NTNG1: variants seen among roughly 807,000 people sequenced by gnomAD.
NTNG1 encodes netrin G1, also known as netrin-G1.
A neutral mutation model predicts 54.0 loss-of-function variants in NTNG1; 16 were observed. That is an observed-to-expected ratio of 0.30 (90% confidence interval 0.20 to 0.45). The LOEUF is 0.45. NTNG1 is among the 20% of genes least tolerant of loss of function. NTNG1 has a pLI of 1.00. For synonymous variants in NTNG1, 255 were observed against 263.1 expected, an observed-to-expected ratio of 0.97 and a Z score of 0.30; for missense variants, 530 against 678.7, an observed-to-expected ratio of 0.78 and a Z score of 2.43.
At chr1:107,310,206 A>C (rs772863346) in intron 2 of NTNG1, among the ~76,000 whole-genome samples, 30 of 152,144 alleles carry the variant, frequency 2.0e-4, no homozygotes, top group Non-Finnish European at 3.1e-4. Flanking sequence ...TCTGACTTTC[A>C]TCTCTCTAAC....
At chr1:107,143,800 A>C (rs962723501) in intron 1 of NTNG1, among the ~76,000 whole-genome samples, 14 of 152,084 alleles carry the variant, frequency 9.2e-5, no homozygotes, top group African/African-American at 3.4e-4. Flanking sequence ...ATTAAATTCC[A>C]GATTTCTTCT....
At chr1:107,351,398 G>A (rs1473214356) in intron 3 of NTNG1, among the ~76,000 whole-genome samples, 1 of 152,144 alleles carries the variant, frequency 6.6e-6, no homozygotes, top group African/African-American at 2.4e-5. Context: ...CTGCTTCTGG[G>A]GAGGCCTCAG....
chr1:107,375,930 T>C (rs1430849343), intron 3 of NTNG1, among the ~76,000 whole-genome samples: 1 of 152,192 alleles, frequency 6.6e-6, no homozygotes, highest in Non-Finnish European at 1.5e-5. Flanking sequence ...TTCCTCATTT[T>C]GGAGAAAGAC....
intron 2 of NTNG1, among the ~76,000 whole-genome samples, chr1:107,249,031 C>T (rs886197183): frequency 4.7e-5 from 7 of 150,286 alleles, no homozygotes; most frequent in East Asian, 2.0e-4. Context: ...ATGGTGCAGG[C>T]GCCTGTAATC....
intron 2 of NTNG1, among the ~76,000 whole-genome samples, chr1:107,154,746 C>A (rs1018091552): frequency 4.7e-5 from 7 of 149,480 alleles, no homozygotes; most frequent in Admixed American, 1.3e-4. Flanking sequence ...TAATAAAGAA[C>A]CTGATATATA....
At chr1:107,166,033 G>T (rs1419943525) in intron 2 of NTNG1, among the ~76,000 whole-genome samples, 1 of 152,166 alleles carries the variant, frequency 6.6e-6, no homozygotes, top group African/African-American at 2.4e-5. Context: ...CCTTCAAGAA[G>T]CTTTATAAAG....
chr1:107,466,274 A>G (rs530766769), intron 7 of NTNG1, among the ~76,000 whole-genome samples: 2 of 152,362 alleles, frequency 1.3e-5, no homozygotes, highest in Non-Finnish European at 2.9e-5. Context: ...GGGATATAAA[A>G]TAGACACAGT....
At chr1:107,308,653 A>G (rs1185490560) in intron 2 of NTNG1, among the ~76,000 whole-genome samples, 1 of 152,136 alleles carries the variant, frequency 6.6e-6, no homozygotes, top group Admixed American at 6.6e-5. Context: ...TTTGGTTCCA[A>G]ATGAATTTTA....
At chr1:107,275,457 C>T (rs1390907360) in intron 2 of NTNG1, among the ~76,000 whole-genome samples, 1 of 152,096 alleles carries the variant, frequency 6.6e-6, no homozygotes, top group African/African-American at 2.4e-5. Flanking sequence ...CAGAGGCTGA[C>T]AAGTCCCAAG....
At chr1:107,452,126 G>T (rs534489796) in intron 7 of NTNG1, among the ~76,000 whole-genome samples, 1 of 152,238 alleles carries the variant, frequency 6.6e-6, no homozygotes, top group East Asian at 1.9e-4. Flanking sequence ...TAAATGAAAT[G>T]CTTGTAAACT....
At chr1:107,317,794 G>A (rs1370189819) in intron 2 of NTNG1, among the ~76,000 whole-genome samples, 1 of 152,182 alleles carries the variant, frequency 6.6e-6, no homozygotes, top group Admixed American at 6.6e-5. Context: ...ATTGAAACAA[G>A]CTGCAACTTC....
intron 3 of NTNG1, among the ~76,000 whole-genome samples, chr1:107,340,256 G>C (rs1461079474): frequency 6.6e-6 from 1 of 151,930 alleles, no homozygotes; most frequent in Non-Finnish European, 1.5e-5. Flanking sequence ...CTTTCCCTAA[G>C]ATAGGCATAT....
intron 7 of NTNG1, among the ~76,000 whole-genome samples, chr1:107,451,108 C>CTTTCT (rs1570988460): frequency 7.2e-6 from 1 of 138,392 alleles, no homozygotes; most frequent in Non-Finnish European, 1.5e-5. Flanking sequence ...TTCTTTCTTT[C>CTTTCT]TTTTTTTTTT....
At chr1:107,229,000 C>T (rs1369292955) in intron 2 of NTNG1, among the ~76,000 whole-genome samples, 1 of 152,076 alleles carries the variant, frequency 6.6e-6, no homozygotes, top group Non-Finnish European at 1.5e-5. Context: ...CAGCAGGAAA[C>T]TGATAAAGAT....
intron 7 of NTNG1, among the ~76,000 whole-genome samples, chr1:107,461,768 G>A (rs973025269): frequency 5.9e-5 from 9 of 152,000 alleles, no homozygotes; most frequent in African/African-American, 1.4e-4. Context: ...TCTTGACCTC[G>A]TGAACTGCCC....
chr1:107,437,352 G>A (rs183733712), intron 7 of NTNG1, among the ~76,000 whole-genome samples: 108 of 152,300 alleles, frequency 7.1e-4, no homozygotes, highest in African/African-American at 2.4e-3. Flanking sequence ...GGCACTATGC[G>A]AGGAGCTGTG....
chr1:107,336,492 T>C (rs1420444271), intron 3 of NTNG1, among the ~76,000 whole-genome samples: 3 of 151,804 alleles, frequency 2.0e-5, no homozygotes, highest in Admixed American at 1.3e-4. Context: ...ATTAAAGACC[T>C]AAATGTAAGA....
intron 2 of NTNG1, among the ~76,000 whole-genome samples, chr1:107,167,888 G>A (rs949190070): frequency 4.0e-5 from 6 of 151,834 alleles, no homozygotes; most frequent in Non-Finnish European, 7.4e-5. Context: ...AAACTTTACA[G>A]TCATAATTGA....
At chr1:107,150,798 C>T (rs530483798) in intron 2 of NTNG1, among the ~76,000 whole-genome samples, 5 of 152,286 alleles carry the variant, frequency 3.3e-5, no homozygotes, top group South Asian at 2.1e-4. Context: ...GGGCATGTTA[C>T]GGATCTTCCC....
Sources: gnomAD v4.1 joint callset for allele counts (sites outside exome capture counted in the v4.1 genomes callset) on GRCh38, gnomAD v4.1.1 for gene constraint, MANE v1.5 for transcripts, NCBI Gene and HGNC (gene_info 2026-07-23, HGNC 2026-07-21) for gene names.